The following KCNH5 variants were observed in gnomAD, a reference collection of about 807,000 sequenced individuals.
The protein encoded by KCNH5 is potassium voltage-gated channel subfamily H member 5.
Under a neutral mutation model 96.1 loss-of-function variants are expected in KCNH5, and 46 were observed. The observed-to-expected ratio is 0.48, with a 90% confidence interval of 0.38 to 0.61. KCNH5 has a LOEUF of 0.61. Ranked by LOEUF, KCNH5 falls within the 20% of genes least tolerant of loss-of-function variation. The pLI, the probability that KCNH5 is intolerant of heterozygous loss-of-function variation, is 0.00. For missense variants in KCNH5, 907 were observed against 1,225.8 expected, an observed-to-expected ratio of 0.74 and a Z score of 3.88; for synonymous variants, 439 against 449.8, an observed-to-expected ratio of 0.98 and a Z score of 0.30.
chr14:62,727,729 T>C (rs571747783), intron 10 of KCNH5, among the ~76,000 whole-genome samples: 1 of 146,874 alleles, frequency 6.8e-6, no homozygotes, highest in South Asian at 2.1e-4. Flanking sequence ...CTGTGGGTGC[T>C]GAGAATACCA....
intron 1 of KCNH5, among the ~76,000 whole-genome samples, chr14:63,036,699 G>C (rs1263222002): frequency 6.6e-6 from 1 of 152,070 alleles, no homozygotes. Context: ...GGAGATGCAA[G>C]AAAGAAAGTT....
intron 7 of KCNH5, among the ~76,000 whole-genome samples, chr14:62,946,730 A>T (rs1025790105): frequency 3.3e-5 from 5 of 152,038 alleles, no homozygotes; most frequent in Non-Finnish European, 7.4e-5. Context: ...ATGAACTACT[A>T]CTCAGCAATA....
intron 1 of KCNH5, among the ~76,000 whole-genome samples, chr14:63,041,192 G>A (rs1310589135): frequency 3.3e-5 from 5 of 152,076 alleles, no homozygotes; most frequent in African/African-American, 9.7e-5. Flanking sequence ...AAATCAGGTT[G>A]AAGGTCTTTG....
At chr14:62,921,222 G>A (rs1595685421) in intron 7 of KCNH5, among the ~76,000 whole-genome samples, 1 of 152,086 alleles carries the variant, frequency 6.6e-6, no homozygotes, top group Admixed American at 6.6e-5. Flanking sequence ...GCAGGAATGG[G>A]AGGCTTCGTT....
chr14:63,037,516 T>G (rs954844112), intron 1 of KCNH5, among the ~76,000 whole-genome samples: 2 of 152,170 alleles, frequency 1.3e-5, no homozygotes, highest in Non-Finnish European at 2.9e-5. Context: ...TAACCCCCAT[T>G]GAGGAACTCC....
At chr14:63,019,486 GGACA>G (rs1334901219) in intron 1 of KCNH5, among the ~76,000 whole-genome samples, 4 of 152,044 alleles carry the variant, frequency 2.6e-5, no homozygotes, top group African/African-American at 9.7e-5. Flanking sequence ...AATGGAGTAA[GGACA>G]GACAAGTAGA....
intron 10 of KCNH5, among the ~76,000 whole-genome samples, chr14:62,772,740 A>G (rs1358487702): frequency 5.9e-5 from 9 of 152,138 alleles, no homozygotes; most frequent in African/African-American, 2.2e-4. Flanking sequence ...ATGTTAACAG[A>G]GAGTATATCA....
At chr14:62,932,979 A>G (rs1479279941) in intron 7 of KCNH5, among the ~76,000 whole-genome samples, 1 of 152,182 alleles carries the variant, frequency 6.6e-6, no homozygotes, top group Non-Finnish European at 1.5e-5. Flanking sequence ...GGCTACTATA[A>G]GAGGTGTTCA....
intron 8 of KCNH5, among the ~76,000 whole-genome samples, chr14:62,804,177 A>G (rs1886719566): frequency 6.6e-6 from 1 of 152,028 alleles, no homozygotes; most frequent in Non-Finnish European, 1.5e-5. Flanking sequence ...TACATTTCAC[A>G]TTATTTAATC....
intron 10 of KCNH5, among the ~76,000 whole-genome samples, chr14:62,765,703 G>A (rs1885845043): frequency 6.6e-6 from 1 of 151,822 alleles, no homozygotes; most frequent in Non-Finnish European, 1.5e-5. Context: ...TTAAAAAGTG[G>A]GCAAAGAAAA....
chr14:62,914,662 G>A (rs1889239628), intron 7 of KCNH5, among the ~76,000 whole-genome samples: 1 of 152,150 alleles, frequency 6.6e-6, no homozygotes, highest in Non-Finnish European at 1.5e-5. Context: ...CTTCCACCAT[G>A]TGAGGACAAA....
intron 7 of KCNH5, among the ~76,000 whole-genome samples, chr14:62,852,216 T>G (rs12897390): frequency 0.57 from 86,419 of 151,836 alleles, 26,245 homozygotes; most frequent in African/African-American, 0.78. Flanking sequence ...CCAGTTCTCA[T>G]GCAATTTACA....
At chr14:62,776,352 A>G (rs552241629) in intron 10 of KCNH5, among the ~76,000 whole-genome samples, 2 of 151,772 alleles carry the variant, frequency 1.3e-5, no homozygotes, top group South Asian at 2.1e-4. Context: ...CCCACCTCCC[A>G]TCTCTCTACC....
chr14:62,773,617 T>C (rs2139968926), intron 10 of KCNH5, among the ~76,000 whole-genome samples: 2 of 152,328 alleles, frequency 1.3e-5, no homozygotes, highest in Middle Eastern at 6.8e-3. Context: ...AGAAGACGTA[T>C]AGAAACAGCA....
intron 8 of KCNH5, among the ~76,000 whole-genome samples, chr14:62,818,264 G>A (rs2749403): frequency 0.02 from 3,002 of 152,034 alleles, 100 homozygotes; most frequent in African/African-American, 0.069. Flanking sequence ...AACTGTGTGA[G>A]ATGATAGATA....
chr14:62,835,416 GA>G (rs990951320), intron 8 of KCNH5, among the ~76,000 whole-genome samples: 3 of 151,860 alleles, frequency 2.0e-5, no homozygotes, highest in African/African-American at 7.2e-5. Context: ...TCTCTTATAG[GA>G]TAAAAAATTA....
At chr14:62,851,146 G>C (rs1342404070) in intron 7 of KCNH5, among the ~76,000 whole-genome samples, 1 of 152,054 alleles carries the variant, frequency 6.6e-6, no homozygotes, top group East Asian at 1.9e-4. Context: ...AAAAAATGGA[G>C]TCAGTTTTTC....
chr14:62,780,779 G>A (rs542654143), intron 9 of KCNH5, among the ~76,000 whole-genome samples: 9 of 152,192 alleles, frequency 5.9e-5, no homozygotes, highest in Admixed American at 3.3e-4. Context: ...CCATTCTGCC[G>A]AGGCAGTTCC....
rs149809399 is a variant in KCNH5 at position 62,844,636 on chromosome 14, G to A, written c.1569+5017C>T. On this transcript the variant is annotated intron_variant, in intron 8 of 10. Transcript: ENST00000322893. ...AATTTAAAAAAAATCTAAAGCAACC[G>A]TACTAATGAGCAGTCAATAACATAT... 2.5e-3 allele frequency among the ~76,000 whole-genome samples: 381 copies of A among 152,100 alleles called. 1 individual carries two copies. The highest frequency in any genetic ancestry group is 8.7e-3 in the African/African-American group (359 of 41,494).
Sources: gnomAD v4.1 joint callset for allele counts (sites outside exome capture counted in the v4.1 genomes callset) on GRCh38, gnomAD v4.1.1 for gene constraint, MANE v1.5 for transcripts, NCBI Gene and HGNC (gene_info 2026-07-23, HGNC 2026-07-21) for gene names.